The following TBC1D19 variants were observed in gnomAD, a reference collection of about 807,000 sequenced individuals.
TBC1D19 encodes TBC1 domain family member 19.
A neutral mutation model predicts 89.0 loss-of-function variants in TBC1D19; 60 were observed. The ratio of observed to expected loss-of-function variants is 0.67; its 90% CI spans 0.55 to 0.84. TBC1D19 has a LOEUF of 0.84. TBC1D19 is among the 40% of genes least tolerant of loss of function. TBC1D19 has a pLI of 0.00. For missense variants in TBC1D19, 500 were observed against 610.8 expected (o/e 0.82, Z 1.91); for synonymous variants, 189 against 199.7 (o/e 0.95, Z 0.45).
At chr4:26,659,094 C>T (rs965395365) in intron 7 of TBC1D19, among the ~76,000 whole-genome samples, 8 of 152,114 alleles carry the variant, frequency 5.3e-5, no homozygotes, top group Non-Finnish European at 1.0e-4. Flanking sequence ...TGCCTGATTG[C>T]CCTGGCCAGA....
At chr4:26,692,849 T>C (rs542447880) in intron 13 of TBC1D19, among the ~76,000 whole-genome samples, 39 of 152,260 alleles carry the variant, frequency 2.6e-4, no homozygotes, top group African/African-American at 9.4e-4. Context: ...AATTTATGCA[T>C]GAGGACATTG....
intron 1 of TBC1D19, among the ~76,000 whole-genome samples, chr4:26,595,634 C>T (rs1420756497): frequency 6.6e-6 from 1 of 151,858 alleles, no homozygotes; most frequent in Non-Finnish European, 1.5e-5. Context: ...CTTGTCCCCC[C>T]ACTCCCACCA....
intron 19 of TBC1D19, among the ~76,000 whole-genome samples, chr4:26,750,001 G>A (rs1009212025): frequency 6.6e-6 from 1 of 152,174 alleles, no homozygotes; most frequent in Non-Finnish European, 1.5e-5. Flanking sequence ...AGGGTGTTGA[G>A]TATAACTTTT....
chr4:26,630,108 T>C (rs1033077113), intron 4 of TBC1D19, among the ~76,000 whole-genome samples: 1 of 151,742 alleles, frequency 6.6e-6, no homozygotes, highest in Non-Finnish European at 1.5e-5. Context: ...TTTACCTTCA[T>C]TGTTATTAAA....
the TBC1D19 span, among the ~76,000 whole-genome samples, chr4:26,818,792 C>T: frequency 7.5e-3 from 1,140 of 152,248 alleles, 71 homozygotes; most frequent in East Asian, 0.15. Context: ...TCTAGGACCC[C>T]CAGAAGTCTT....
chr4:26,785,693 CACTGTGTGTGTGTGTGTAGAGATG>C, the TBC1D19 span, among the ~76,000 whole-genome samples: 171 of 152,292 alleles, frequency 1.1e-3, 1 homozygote, highest in African/African-American at 4.0e-3. Flanking sequence ...CACAGACGTA[CACTGTGTGTGTGTGTGTAGAGATG>C]ACTGTAAATA....
the TBC1D19 span, among the ~76,000 whole-genome samples, chr4:26,793,441 C>T: frequency 6.6e-6 from 1 of 152,322 alleles, no homozygotes; most frequent in East Asian, 1.9e-4. Context: ...GAATCCATCT[C>T]TGGCTGGGCA....
chr4:26,808,055 C>T, the TBC1D19 span, among the ~76,000 whole-genome samples: 20 of 152,224 alleles, frequency 1.3e-4, no homozygotes, highest in Non-Finnish European at 2.4e-4. Flanking sequence ...CCAGCCACTG[C>T]TGACTGCAAA....
At chr4:26,808,796 C>T in the TBC1D19 span, among the ~76,000 whole-genome samples, 1 of 151,360 alleles carries the variant, frequency 6.6e-6, no homozygotes, top group East Asian at 1.9e-4. Context: ...GAAATCATGG[C>T]TTTGGTAACT....
intron 12 of TBC1D19, among the ~76,000 whole-genome samples, chr4:26,686,573 G>A (rs191390617): frequency 1.2e-3 from 180 of 152,202 alleles, no homozygotes; most frequent in Non-Finnish European, 1.9e-3. Context: ...ATAAGAAAAA[G>A]TAAATAACAA....
chr4:26,686,621 G>A (rs1039404747), intron 12 of TBC1D19, among the ~76,000 whole-genome samples: 2 of 152,000 alleles, frequency 1.3e-5, no homozygotes, highest in Non-Finnish European at 2.9e-5. Flanking sequence ...AGCTCTGGTC[G>A]GCCACATACC....
At chr4:26,741,218 C>G (rs1718350358) in intron 17 of TBC1D19, among the ~76,000 whole-genome samples, 1 of 151,490 alleles carries the variant, frequency 6.6e-6, no homozygotes, top group South Asian at 2.1e-4. Flanking sequence ...TAGCCTGGCG[C>G]GGTGGCGGGC....
intron 4 of TBC1D19, among the ~76,000 whole-genome samples, chr4:26,625,972 A>C (rs1742366996): frequency 6.6e-6 from 1 of 152,080 alleles, no homozygotes; most frequent in Non-Finnish European, 1.5e-5. Context: ...AAGTCACTAC[A>C]TATAGACCAT....
At chr4:26,751,724 C>T (rs990724397) in intron 19 of TBC1D19, among the ~76,000 whole-genome samples, 2 of 152,170 alleles carry the variant, frequency 1.3e-5, no homozygotes, top group Admixed American at 6.5e-5. Context: ...AATCTCTAGT[C>T]CCCTAGAAAA....
At chr4:26,757,019 ATTT>A (rs35758647), downstream of TBC1D19, among the ~76,000 whole-genome samples, 10 of 146,126 alleles carry the variant, frequency 6.8e-5, no homozygotes, top group Non-Finnish European at 1.1e-4. Flanking sequence ...TACCCATGCT[ATTT>A]TTTTTTTTTT....
the TBC1D19 span, among the ~76,000 whole-genome samples, chr4:26,849,946 G>A: frequency 1.3e-5 from 2 of 152,032 alleles, no homozygotes; most frequent in African/African-American, 2.4e-5. Context: ...TACTATTGGC[G>A]GTTAAATCAT....
intron 4 of TBC1D19, among the ~76,000 whole-genome samples, chr4:26,625,366 C>T (rs1003974576): frequency 2.0e-5 from 3 of 152,166 alleles, no homozygotes; most frequent in African/African-American, 7.2e-5. Context: ...ACTATTTTTA[C>T]TGGACTTCGT....
In TBC1D19 at chr4:26,652,167, A is replaced by G. The variant is rs2109048010; in HGVS notation, c.481-7430A>G. Among the ~76,000 whole-genome samples, 2 of 152,132 alleles carry G rather than the reference A, an allele frequency of 1.3e-5. 1 individual carries two copies. The highest frequency in any genetic ancestry group is 4.2e-4 in the South Asian group (2 of 4,792). On this transcript the variant is annotated intron_variant, in intron 7 of 20. Coordinates refer to ENST00000264866, the MANE Select transcript of TBC1D19 (RefSeq NM_018317.4). ...GATGTTGATCAGGGATATTGGTCCA[A>G]AATTCTCTTTTTTTGTTGTGTCTCT... is the stretch of plus-strand genomic sequence containing the variant.
intron 1 of TBC1D19, among the ~76,000 whole-genome samples, chr4:26,598,750 C>T (rs1740403160): frequency 6.6e-6 from 1 of 152,106 alleles, no homozygotes; most frequent in Admixed American, 6.5e-5. Context: ...AAAGATTTTG[C>T]CACTAATTCA....
Sources: gnomAD v4.1 joint callset for allele counts (sites outside exome capture counted in the v4.1 genomes callset) on GRCh38, gnomAD v4.1.1 for gene constraint, MANE v1.5 for transcripts, NCBI Gene and HGNC (gene_info 2026-07-23, HGNC 2026-07-21) for gene names.